Variants in USP4 observed in about 807,000 individuals in gnomAD.
The protein encoded by USP4 is ubiquitin carboxyl-terminal hydrolase 4.
A neutral mutation model predicts 118.2 loss-of-function variants in USP4; 72 were observed. The ratio of observed to expected loss-of-function variants is 0.61; its 90% confidence interval spans 0.50 to 0.74. The LOEUF is 0.74. Ranked by LOEUF, USP4 falls within the 30% of genes least tolerant of loss-of-function variation. The pLI is 0.00. For missense variants in USP4, 1,037 were observed against 1,185.7 expected, an observed-to-expected ratio of 0.87 and a Z score of 1.84; for synonymous variants, 415 against 440.4, an observed-to-expected ratio of 0.94 and a Z score of 0.72.
At chr3:49,283,257 G>A (rs140399704) in intron 19 of USP4, among the ~76,000 whole-genome samples, 2,444 of 148,398 alleles carry the variant, frequency 0.016, 32 homozygotes, top group African/African-American at 0.03. Context: ...CTTGTGATCT[G>A]CCCACCTTGG....
intron 8 of USP4, among the ~76,000 whole-genome samples, chr3:49,309,943 CTTTTTTT>C (rs773669515): frequency 9.9e-5 from 4 of 40,236 alleles, no homozygotes; most frequent in Admixed American, 9.1e-4. Context: ...TTTTTTTAAT[CTTTTTTT>C]TTTTTTTTTT....
chr3:49,329,256 C>T (rs2047589003), intron 2 of USP4, among the ~76,000 whole-genome samples: 2 of 152,114 alleles, frequency 1.3e-5, no homozygotes, highest in East Asian at 3.8e-4. Context: ...AATTCTAGTT[C>T]TCTTGCTATT....
In USP4 at chr3:49,278,158, T is replaced by A. The variant is rs1208986515; in HGVS notation, c.*135A>T. The A allele has an allele frequency of 1.0e-6, 1 of 980,276 alleles. No homozygotes were observed. Among genetic ancestry groups the A allele is most frequent in the African/African-American group, 1.7e-5 (1 of 59,446 alleles). The allele number at this position is 980,276 out of a possible 1,614,324, so 60.7% of individuals were successfully genotyped here. ...AACGGTCTTCTTTTTTTTTTTTTGT[T>A]TCCTTCTGCTCATAAAAGAAGGGTA... is the stretch of plus-strand genomic sequence containing the variant. On this transcript the variant is annotated 3_prime_UTR_variant, in exon 22 of 22. Transcript: ENST00000265560.
At chr3:49,278,737 A>C in intron 21 of USP4, 77 bp downstream of exon 21, 1 of 1,175,710 alleles carries the variant, frequency 8.5e-7, no homozygotes, top group Non-Finnish European at 1.2e-6. Context: ...TGAAATAACC[A>C]ACTAGCCTGA....
intron 19 of USP4, among the ~76,000 whole-genome samples, chr3:49,282,017 A>C (rs2047035865): frequency 1.3e-5 from 2 of 152,066 alleles, no homozygotes; most frequent in Non-Finnish European, 1.5e-5. Flanking sequence ...CTCAAAAAAA[A>C]ACAAAAACAA....
intron 6 of USP4, among the ~76,000 whole-genome samples, chr3:49,320,802 T>C (rs1272608413): frequency 6.6e-6 from 1 of 152,230 alleles, no homozygotes. Context: ...CTTCTTATTT[T>C]TTCCCCCCTT....
chr3:49,279,732 A>G (rs1370973055), intron 20 of USP4, among the ~76,000 whole-genome samples: 1 of 152,208 alleles, frequency 6.6e-6, no homozygotes, highest in Non-Finnish European at 1.5e-5. Flanking sequence ...TCACTATAGC[A>G]TTGACTGCAC....
Position 49,335,612 on chromosome 3 carries a change from A to G in USP4, c.102-16T>C, listed in dbSNP as rs34514189. 256,596 of 1,612,384 alleles carry G rather than the reference A, an allele frequency of 0.16. 21,789 individuals are homozygous for G. The highest frequency in any genetic ancestry group is 0.17 in the Non-Finnish European group (203,699 of 1,179,148). Reference sequence around the variant, plus strand: ...AATAAGATACCTAGAGAGAGACAGAAATTTACTGTAGCAGAAAAGCTGAGA... The same window carrying G: ...AATAAGATACCTAGAGAGAGACAGAGATTTACTGTAGCAGAAAAGCTGAGA... On this transcript the variant is annotated splice_polypyrimidine_tract_variant and intron_variant, in intron 1 of 21. Coordinates refer to ENST00000265560, the MANE Select transcript of USP4 (RefSeq NM_003363.4).
chr3:49,290,821 G>A (rs1397581316), intron 15 of USP4, among the ~76,000 whole-genome samples: 3 of 151,922 alleles, frequency 2.0e-5, no homozygotes, highest in African/African-American at 7.2e-5. Context: ...GTCTGCAACT[G>A]AGAATTTATG....
intron 15 of USP4, among the ~76,000 whole-genome samples, chr3:49,290,212 C>T (rs2047138061): frequency 6.6e-6 from 1 of 152,106 alleles, no homozygotes; most frequent in Non-Finnish European, 1.5e-5. Flanking sequence ...GTCAGGAGTT[C>T]GAGACCAGAC....
intron 15 of USP4, among the ~76,000 whole-genome samples, chr3:49,291,036 T>C (rs961050423): frequency 6.6e-6 from 1 of 151,922 alleles, no homozygotes; most frequent in Non-Finnish European, 1.5e-5. Flanking sequence ...TGGCGTGATC[T>C]TGGCTCACTG....
At chr3:49,278,792 C>A in intron 21 of USP4, 22 bp downstream of exon 21, 3 of 1,552,068 alleles carry the variant, frequency 1.9e-6, no homozygotes, top group Non-Finnish European at 2.6e-6. Flanking sequence ...TGAGGAAGAA[C>A]CACATATCAT....
At chr3:49,295,714 G>GCGCGCGCGCACACACACACACA (rs149459963) in intron 13 of USP4, among the ~76,000 whole-genome samples, 1 of 148,318 alleles carries the variant, frequency 6.7e-6, no homozygotes, top group African/African-American at 2.6e-5. Context: ...GCGCGCGCGC[G>GCGCGCGCGCACACACACACACA]CACACACACA....
At chr3:49,300,904 T>C (rs560834064) in intron 10 of USP4, among the ~76,000 whole-genome samples, 3 of 152,154 alleles carry the variant, frequency 2.0e-5, no homozygotes, top group African/African-American at 4.8e-5. Flanking sequence ...AACACACATA[T>C]ATATATTTCA....
At position 49,324,996 on chromosome 3, in the gene USP4, C is replaced by T. The variant is rs145047321; in HGVS notation, c.531G>A (p.Ala177=). Residue 177 remains alanine, a synonymous_variant, in exon 5 of 22, where the codon GCG becomes GCA. Transcript: ENST00000265560. ...KEMRKLFNIP[A]ERETRLWNKY... Reference sequence around the variant, plus strand: ...TGTTCCAGAGCCGTGTTTCACGCTCCGCAGGGATGTTGAATAGCTTCCGCA... The same window carrying T: ...TGTTCCAGAGCCGTGTTTCACGCTCTGCAGGGATGTTGAATAGCTTCCGCA... 350 of 1,613,838 alleles carry T rather than the reference C, an allele frequency of 2.2e-4. No homozygotes were observed. Among genetic ancestry groups the T allele is most frequent in the Admixed American group, 2.5e-4 (15 of 59,968 alleles).
intron 2 of USP4, among the ~76,000 whole-genome samples, chr3:49,328,307 A>G (rs2047578732): frequency 6.6e-6 from 1 of 151,574 alleles, no homozygotes; most frequent in African/African-American, 2.4e-5. Context: ...GCAGTAAGCC[A>G]AGATCACGCC....
intron 13 of USP4, 87 bp downstream of exon 13, chr3:49,297,783 C>G (rs992144068): frequency 3.1e-5 from 35 of 1,135,818 alleles, no homozygotes; most frequent in South Asian, 1.5e-4. Flanking sequence ...TGACTGCCCA[C>G]ATTTTTGTTC....
At chr3:49,307,320 T>C (rs2047329222) in intron 8 of USP4, among the ~76,000 whole-genome samples, 1 of 150,996 alleles carries the variant, frequency 6.6e-6, no homozygotes, top group Non-Finnish European at 1.5e-5. Flanking sequence ...TAGTGGCACA[T>C]GCCTGTAATC....
At chr3:49,306,202 T>TG (rs2047315114) in intron 8 of USP4, among the ~76,000 whole-genome samples, 1 of 149,226 alleles carries the variant, frequency 6.7e-6, no homozygotes, top group African/African-American at 2.6e-5. Flanking sequence ...AAAAAAGTGT[T>TG]TTTTTTTGTT....
Sources: allele counts gnomAD v4.1 joint callset (sites outside exome capture counted in the v4.1 genomes callset), GRCh38; gene constraint gnomAD v4.1.1; transcripts MANE v1.5; gene names NCBI Gene and HGNC (gene_info 2026-07-23, HGNC 2026-07-21).